PPP2R5D: variants seen among roughly 807,000 people sequenced by gnomAD.
PPP2R5D encodes the protein serine/threonine-protein phosphatase 2A 56 kDa regulatory subunit delta isoform.
PPP2R5D carries 12 observed loss-of-function variants against 79.1 expected under a neutral mutation model. The ratio of observed to expected loss-of-function variants is 0.15; its 90% confidence interval spans 0.10 to 0.25. The LOEUF (loss-of-function observed/expected upper bound fraction) is 0.25, where lower values mean the gene tolerates loss of function less well. PPP2R5D is among the 10% of genes least tolerant of loss of function. The probability of loss-of-function intolerance (pLI) is 1.00; values close to 1 mark genes in which losing one functional copy is unlikely to be tolerated. For synonymous variants in PPP2R5D, 277 were observed against 286.6 expected (o/e 0.97, Z 0.34); for missense variants, 419 against 760.2 (o/e 0.55, Z 5.28).
intron 2 of PPP2R5D, among the ~76,000 whole-genome samples, chr6:42,997,851 C>T (rs10456116): frequency 6.7e-6 from 1 of 149,436 alleles, no homozygotes; most frequent in African/African-American, 2.5e-5. Flanking sequence ...CAGCCAACTT[C>T]TGTATTTTTA....
In PPP2R5D at chr6:43,006,654, G is replaced by A. The variant is rs749101236; in HGVS notation, c.297G>A (p.Glu99=). 22 of 1,614,180 alleles carry A rather than the reference G, an allele frequency of 1.4e-5. No individual in the cohort carries two copies. The highest frequency in any genetic ancestry group is 1.9e-5 in the Non-Finnish European group (22 of 1,180,036). The change falls in exon 3 of 16, where the codon GAG becomes GAA. Residue 99 remains glutamate (E), a synonymous_variant. Transcript: ENST00000485511. This position sits in a 1 kb window ranked among gnomAD's most constrained non-coding sequence, Gnocchi z 4.7. Reference sequence around the variant, plus strand: ...GCTTCAACCTCAGCAAGAATCGGGAGCTGCAGAAGCTTCCTGCCCTGAAAG... The same window carrying A: ...GCTTCAACCTCAGCAAGAATCGGGAACTGCAGAAGCTTCCTGCCCTGAAAG... The part of the protein sequence containing the change: ...SSRFNLSKNR[E]LQKLPALKDS...
At chr6:43,003,730 G>A (rs550605091) in intron 2 of PPP2R5D, among the ~76,000 whole-genome samples, 9 of 151,904 alleles carry the variant, frequency 5.9e-5, no homozygotes, top group African/African-American at 2.2e-4. Context: ...TTTTATGTAT[G>A]TATGTATGTA....
At chr6:42,999,754 A>ATAG (rs1772044479) in intron 2 of PPP2R5D, among the ~76,000 whole-genome samples, 1 of 151,314 alleles carries the variant, frequency 6.6e-6, no homozygotes, top group South Asian at 2.1e-4. Context: ...TTTAGTAGAG[A>ATAG]TAGGGTTTTG....
rs41274906 is a variant in PPP2R5D at position 43,011,563 on chromosome 6, A to G, written c.*277A>G. ...GATGCCTGTCCCCTACCTGCTCCTC[A>G]CCCACAGCTACCTGAGGCTGCTCTG... On this transcript the variant is annotated 3_prime_UTR_variant, in exon 16 of 16. Coordinates refer to ENST00000485511, the MANE Select transcript of PPP2R5D (RefSeq NM_006245.4). 2,032 of 499,930 alleles carry G rather than the reference A, an allele frequency of 4.1e-3. 10 individuals are homozygous for G. Among genetic ancestry groups the G allele is most frequent in the Non-Finnish European group, 5.9e-3 (1,638 of 276,104 alleles). 31.0% of individuals were successfully genotyped at this position (499,930 alleles called of 1,614,324 possible). A position where few individuals can be genotyped will look rare whatever the true frequency, so the allele number is the denominator to read the frequency against.
intron 2 of PPP2R5D, among the ~76,000 whole-genome samples, chr6:42,991,580 G>C (rs1271068362): frequency 6.6e-6 from 1 of 152,124 alleles, no homozygotes; most frequent in African/African-American, 2.4e-5. Context: ...TCTTGTGTTA[G>C]CACGAGAGCT....
At position 43,007,866 on chromosome 6, in the gene PPP2R5D, A is replaced by G. The variant is rs1762173919; in HGVS notation, c.727-69A>G. The G allele has an allele frequency of 6.3e-7, 1 of 1,595,136 alleles. No individual in the cohort carries two copies. The highest frequency in any genetic ancestry group is 8.6e-7 in the Non-Finnish European group (1 of 1,165,032). ...CTCTGCATTTCCCCTGGCGGGACCT[A>G]TGTCACCCTGGCCACTGCCTTCCCT... On this transcript the variant is annotated intron_variant, in intron 6 of 15. Transcript: ENST00000485511. This position sits in a 1 kb window ranked among gnomAD's most constrained non-coding sequence, Gnocchi z 4.5.
chr6:43,006,826 T>TGG lies in PPP2R5D; in HGVS notation c.323-82_323-81dup. 3 of 1,577,832 alleles carry TGG rather than the reference T, an allele frequency of 1.9e-6. No homozygotes were observed. The South Asian group carries it at 3.4e-5, about 18-fold the overall frequency. ...GCCAGGGAGCAGGATGGTGGCAGGG[T>TGG]GGGGTAAGGGAAAGCCCTTGAAGGC... On this transcript the variant is annotated intron_variant, in intron 3 of 15. Transcript: ENST00000485511. The surrounding 1 kb of genome is among the most constrained non-coding windows in gnomAD (Gnocchi z 4.7).
intron 2 of PPP2R5D, among the ~76,000 whole-genome samples, chr6:42,990,452 C>T (rs1280425919): frequency 6.6e-6 from 1 of 152,148 alleles, no homozygotes; most frequent in Non-Finnish European, 1.5e-5. Context: ...TAGTTATGGA[C>T]AGGTCTTATG....
rs369976950 is a variant in PPP2R5D, at chr6:43,012,193, C to T, written c.*907C>T. On this transcript the variant is annotated 3_prime_UTR_variant, in exon 16 of 16. Transcript: ENST00000485511. ...GGAGGGGCCAGGGGCTGAGGAAGGCCGGACCCAGGTTCCAGGGGCGCAGGC... is the reference window on the plus strand; with the variant it reads ...GGAGGGGCCAGGGGCTGAGGAAGGCTGGACCCAGGTTCCAGGGGCGCAGGC... The T allele has an allele frequency of 2.3e-5, 26 of 1,140,776 alleles. No individual in the cohort carries two copies. Among genetic ancestry groups the T allele is most frequent in the East Asian group, 9.2e-5 (2 of 21,826 alleles). 70.7% of individuals were successfully genotyped at this position (1,140,776 alleles called of 1,614,324 possible). A position where few individuals can be genotyped will look rare whatever the true frequency, so the allele number is the denominator to read the frequency against.
At chr6:42,989,543 AG>A in intron 1 of PPP2R5D, 67 bp from the exon 2 acceptor site, 1 of 1,305,628 alleles carries the variant, frequency 7.7e-7, no homozygotes, top group Non-Finnish European at 1.1e-6. Flanking sequence ...CAAAGATCTA[AG>A]GGAGCCAGAT....
At chr6:42,989,585 A>C in intron 1 of PPP2R5D, 26 bp from the exon 2 acceptor site, 2 of 1,583,752 alleles carry the variant, frequency 1.3e-6, no homozygotes, top group Non-Finnish European at 1.7e-6. Flanking sequence ...GCATCTGCTA[A>C]CTTTACTTTC....
intron 2 of PPP2R5D, among the ~76,000 whole-genome samples, chr6:43,001,977 T>C (rs1772251296): frequency 1.3e-5 from 2 of 151,750 alleles, no homozygotes; most frequent in African/African-American, 4.8e-5. Context: ...GAACTGTTCA[T>C]CTCTATCCTT....
intron 2 of PPP2R5D, among the ~76,000 whole-genome samples, chr6:42,996,532 C>A (rs1379840119): frequency 6.6e-6 from 1 of 151,858 alleles, no homozygotes; most frequent in Non-Finnish European, 1.5e-5. Context: ...TCAAAAGCCA[C>A]CTCTTCAGGG....
Position 43,008,277 on chromosome 6 carries a change from G to A in PPP2R5D, c.917+17G>A. 1 of 1,614,142 alleles carries A rather than the reference G, an allele frequency of 6.2e-7. No homozygotes were observed. The highest frequency in any genetic ancestry group is 8.5e-7 in the Non-Finnish European group (1 of 1,180,000). On this transcript the variant is annotated intron_variant, in intron 8 of 15. Coordinates refer to ENST00000485511, the MANE Select transcript of PPP2R5D (RefSeq NM_006245.4). The surrounding 1 kb of genome is among the most constrained non-coding windows in gnomAD (Gnocchi z 4.2). The stretch of plus-strand genomic sequence containing the variant: ...CCTGGGCAGGTGAGAGGCCGGGTGG[G>A]GGCACAGATGCCTGAAAAAGGTTGG...
intron 1 of PPP2R5D, among the ~76,000 whole-genome samples, chr6:42,985,892 C>T (rs1444075623): frequency 2.0e-5 from 3 of 151,934 alleles, no homozygotes; most frequent in Non-Finnish European, 4.4e-5. Context: ...ATTCTCCTGC[C>T]TCAGCCTCCC....
Position 42,984,651 on chromosome 6 carries a change from AGACGGGCCGGGTCCG to A in PPP2R5D, c.-17_-3del, listed in dbSNP as rs762325475. The stretch of plus-strand genomic sequence containing the variant: ...GCCGGAGCCGGAGCGGGGCCGCAGG[AGACGGGCCGGGTCCG>A]GACGGGCCGAGATGCCCTATAAACT... On this transcript the variant is annotated 5_prime_UTR_variant, in exon 1 of 16. Transcript: ENST00000485511. 3.8e-6 allele frequency: 6 copies of A among 1,592,958 alleles called. No individual in the cohort carries two copies. The highest frequency in any genetic ancestry group is 5.1e-6 in the Non-Finnish European group (6 of 1,171,344).
chr6:42,998,181 G>T (rs2150264780), intron 2 of PPP2R5D, among the ~76,000 whole-genome samples: 1 of 138,738 alleles, frequency 7.2e-6, no homozygotes, highest in Middle Eastern at 4.7e-3. Flanking sequence ...TTCAAGCAAT[G>T]TTCCTGCCTC....
chr6:43,003,170 C>T (rs1420776761), intron 2 of PPP2R5D, among the ~76,000 whole-genome samples: 2 of 152,164 alleles, frequency 1.3e-5, no homozygotes, highest in African/African-American at 4.8e-5. Context: ...CACCTGTAAT[C>T]CCAACACTTT....
intron 2 of PPP2R5D, among the ~76,000 whole-genome samples, chr6:42,995,656 G>A (rs993541868): frequency 6.7e-6 from 1 of 150,366 alleles, no homozygotes; most frequent in African/African-American, 2.4e-5. Flanking sequence ...AGGTTCAAGC[G>A]ATTCTCCTGC....
Sources: allele counts gnomAD v4.1 joint callset (sites outside exome capture counted in the v4.1 genomes callset), GRCh38; gene constraint gnomAD v4.1.1; non-coding constraint Gnocchi (gnomAD v3.1); transcripts MANE v1.5; gene names NCBI Gene and HGNC (gene_info 2026-07-23, HGNC 2026-07-21).